XDH: variants seen among roughly 807,000 people sequenced by gnomAD.
XDH encodes xanthine dehydrogenase/oxidase.
A neutral mutation model predicts 156.1 loss-of-function variants in XDH; 138 were observed. The ratio of observed to expected loss-of-function variants is 0.88; its 90% CI spans 0.77 to 1.02. The LOEUF (loss-of-function observed/expected upper bound fraction) is 1.02, where lower values mean the gene tolerates loss of function less well. Ranked by LOEUF, XDH falls within the 50% of genes least tolerant of loss-of-function variation. The pLI is 0.00. For missense variants in XDH, 1,849 were observed against 1,684.9 expected, an observed-to-expected ratio of 1.10 and a Z score of -1.71; for synonymous variants, 669 against 625.7, an observed-to-expected ratio of 1.07 and a Z score of -1.03.
At chr2:31,359,201 G>A (rs1685709653) in intron 24 of XDH, among the ~76,000 whole-genome samples, 1 of 152,028 alleles carries the variant, frequency 6.6e-6, no homozygotes, top group South Asian at 2.1e-4. Context: ...ATATAAAATG[G>A]TGTAGTCACT....
chr2:31,376,967 G>A (rs1686262246), intron 14 of XDH, 86 bp downstream of exon 14: 3 of 1,518,774 alleles, frequency 2.0e-6, no homozygotes, highest in Non-Finnish European at 1.8e-6. Context: ...TAATACTACT[G>A]GTAGTCATAG....
chr2:31,376,697 A>G (rs1241057023), intron 14 of XDH, among the ~76,000 whole-genome samples: 1 of 149,892 alleles, frequency 6.7e-6, no homozygotes, highest in Non-Finnish European at 1.5e-5. Flanking sequence ...TAGTCATAGT[A>G]ATAGCAATAA....
At chr2:31,413,688 C>T (rs1687399966) in intron 1 of XDH, among the ~76,000 whole-genome samples, 1 of 152,124 alleles carries the variant, frequency 6.6e-6, no homozygotes, top group South Asian at 2.1e-4. Context: ...AATAAAATTG[C>T]CCTTCTTTGG....
At position 31,381,668 on chromosome 2, in the gene XDH, A is replaced by G. The variant is rs765181977; in HGVS notation, c.1097T>C (p.Met366Thr). Residue 366 changes from methionine to threonine, a missense_variant, in exon 12 of 36, where the codon ATG (methionine) becomes ACG (threonine). Coordinates refer to ENST00000379416, the MANE Select transcript of XDH (RefSeq NM_000379.4). ...SPISDLNPVFMASGAKLTLVS... is the reference protein window; with the variant it reads ...SPISDLNPVFTASGAKLTLVS... ...AAGTGTCAGCTTGGCCCCACTGGCC[A>G]TGAACACGGGGTTGAGGTCGGAGAT... 12 of 1,614,010 alleles carry G rather than the reference A, an allele frequency of 7.4e-6. 1 individual carries two copies. In the Admixed American group the frequency reaches 1.5e-4, roughly 20 times the overall value.
intron 17 of XDH, 67 bp downstream of exon 17, chr2:31,372,161 G>A (rs1229165397): frequency 6.2e-7 from 1 of 1,611,732 alleles, no homozygotes; most frequent in African/African-American, 1.3e-5. Flanking sequence ...GGTGAGAGAA[G>A]TCTCCTGGGT....
chr2:31,351,927 C>T (rs1265411226), intron 24 of XDH, among the ~76,000 whole-genome samples: 1 of 152,294 alleles, frequency 6.6e-6, no homozygotes, highest in South Asian at 2.1e-4. Context: ...GAAATCTTCT[C>T]TTTGTCCTCA....
At chr2:31,361,373 C>T (rs1261266402) in intron 24 of XDH, among the ~76,000 whole-genome samples, 1 of 152,210 alleles carries the variant, frequency 6.6e-6, no homozygotes, top group Non-Finnish European at 1.5e-5. Context: ...TTATCTCCAG[C>T]TTCAGTTTAT....
chr2:31,363,675 T>A (rs1326899721), intron 24 of XDH, among the ~76,000 whole-genome samples: 1 of 152,178 alleles, frequency 6.6e-6, no homozygotes, highest in Non-Finnish European at 1.5e-5. Context: ...AATTAAAACA[T>A]CACAGAAATG....
chr2:31,410,679 C>A (rs368191003), intron 1 of XDH, among the ~76,000 whole-genome samples: 1 of 152,086 alleles, frequency 6.6e-6, no homozygotes, highest in Non-Finnish European at 1.5e-5. Context: ...TCCTGCCCCC[C>A]AAATGCAGAC....
Position 31,405,964 on chromosome 2 carries a change from C to T in XDH, c.43G>A (p.Val15Met), listed in dbSNP as rs1450721288. 1.2e-6 allele frequency: 2 copies of T among 1,614,046 alleles called. No homozygotes were observed. Among genetic ancestry groups the T allele is most frequent in the South Asian group, 1.1e-5 (1 of 91,078 alleles). The part of the protein sequence containing the change: ...KLVFFVNGRK[V>M]VEKNADPETT... Reference sequence around the variant, plus strand: ...TCTGGATCTGCATTTTTCTCCACCACCTATTAAAATAAATGAAAGAAAAAT... The same window carrying T: ...TCTGGATCTGCATTTTTCTCCACCATCTATTAAAATAAATGAAAGAAAAAT... Residue 15 changes from valine to methionine, a missense_variant and splice_region_variant, in exon 2 of 36, where the codon GTG (valine) becomes ATG (methionine). Coordinates refer to ENST00000379416, the MANE Select transcript of XDH (RefSeq NM_000379.4).
In XDH at chr2:31,334,476, C is replaced by T. The variant is rs533707461; in HGVS notation, c.*1482G>A. ...TGACAGTGACACATTGTCCACCCAG[C>T]ACCATGTAGGGATTAAATCACCATT... On this transcript the variant is annotated 3_prime_UTR_variant, in exon 36 of 36. Transcript: ENST00000379416. 16 of 152,280 alleles carry T rather than the reference C, an allele frequency of 1.1e-4. 1 individual carries two copies. In the South Asian group the frequency reaches 1.9e-3, roughly 18 times the overall value. The allele number at this position is 152,280 out of a possible 1,614,324, so 9.4% of individuals were successfully genotyped here.
At position 31,348,932 on chromosome 2, in the gene XDH, A is replaced by G. The variant is rs144883930; in HGVS notation, c.3018T>C (p.Phe1006=). Residue 1006 remains phenylalanine (F), a synonymous_variant, in exon 27 of 36, where the codon TTT becomes TTC. Coordinates refer to ENST00000379416, the MANE Select transcript of XDH (RefSeq NM_000379.4). ...GAAAAGGAACTGTAAAGCTTATTCC[A>G]AACTTGGTGGGAATTATGCACAATC... is the stretch of plus-strand genomic sequence containing the variant. ...KRGLCIIPTK[F]GISFTVPFLN... 6.3e-4 allele frequency: 1,019 copies of G among 1,613,592 alleles called. No individual in the cohort carries two copies. Among genetic ancestry groups the G allele is most frequent in the Non-Finnish European group, 7.6e-4 (894 of 1,179,430 alleles).
intron 24 of XDH, among the ~76,000 whole-genome samples, chr2:31,361,935 TG>T (rs1428317695): frequency 6.6e-6 from 1 of 152,200 alleles, no homozygotes; most frequent in African/African-American, 2.4e-5. Flanking sequence ...GTGAATTTAA[TG>T]GTAATTGCTT....
chr2:31,368,194 G>A (rs1256530096), intron 19 of XDH, 137 bp from the exon 20 acceptor site: 4 of 833,018 alleles, frequency 4.8e-6, no homozygotes, highest in Non-Finnish European at 6.1e-6. Context: ...TTCACATACA[G>A]ACTTGAAGTA....
At position 31,375,315 on chromosome 2, in the gene XDH, C is replaced by A. The variant is rs989652933; in HGVS notation, c.1602+65G>T. ...AGAGGAGAGGAGCAAATTTACTACC[C>A]AGACCAACTTCTTATATCCCCAAAC... is the stretch of plus-strand genomic sequence containing the variant. On this transcript the variant is annotated intron_variant, in intron 15 of 35. Transcript: ENST00000379416. 16 of 1,609,130 alleles carry A rather than the reference C, an allele frequency of 9.9e-6. No homozygotes were observed. The African/African-American group carries it at 2.0e-4, about 20-fold the overall frequency.
rs1427486011 is a variant in XDH, at chr2:31,359,010, C to A, written c.2631+5148G>T. ...TAATGATTGTCTGCAGAGAAAATCC[C>A]AAGGAATCTACAGAAGAAATCCTAG... On this transcript the variant is annotated intron_variant, in intron 24 of 35. Coordinates refer to ENST00000379416, the MANE Select transcript of XDH (RefSeq NM_000379.4). Among the ~76,000 whole-genome samples, 8 of 152,140 alleles carry A rather than the reference C, an allele frequency of 5.3e-5. No individual in the cohort carries two copies. The East Asian group carries it at 1.4e-3, about 26-fold the overall frequency.
intron 3 of XDH, 88 bp downstream of exon 3, chr2:31,402,960 C>A: frequency 7.1e-7 from 1 of 1,417,546 alleles, no homozygotes; most frequent in Non-Finnish European, 9.9e-7. Context: ...CGCACATGCA[C>A]ATACACACAT....
At chr2:31,369,276 T>C (rs552564563) in intron 18 of XDH, among the ~76,000 whole-genome samples, 2 of 152,172 alleles carry the variant, frequency 1.3e-5, no homozygotes, top group African/African-American at 2.4e-5. Context: ...CCAAAAGCAG[T>C]AGCTCTCAAA....
rs45456894 is a variant in XDH at position 31,341,784 on chromosome 2, G to A, written c.3520-390C>T. On this transcript the variant is annotated intron_variant, in intron 32 of 35. Transcript: ENST00000379416. ...CTAAATCCAACTTGCCCCTGTTTTCGTGGGGCCTGTAGGCTAATAATTACA... is the reference window on the plus strand; with the variant it reads ...CTAAATCCAACTTGCCCCTGTTTTCATGGGGCCTGTAGGCTAATAATTACA... Among the ~76,000 whole-genome samples the A allele has an allele frequency of 2.7e-3, 418 of 152,210 alleles. 2 individuals carry two copies. The highest frequency in any genetic ancestry group is 8.6e-3 in the African/African-American group (359 of 41,528).
Sources: gnomAD v4.1 joint callset for allele counts (sites outside exome capture counted in the v4.1 genomes callset) on GRCh38, gnomAD v4.1.1 for gene constraint, MANE v1.5 for transcripts, NCBI Gene and HGNC (gene_info 2026-07-23, HGNC 2026-07-21) for gene names.